ADAMTS6: variants seen among roughly 807,000 people sequenced by gnomAD.
ADAMTS6 encodes the protein A disintegrin and metalloproteinase with thrombospondin motifs 6.
ADAMTS6 carries 23 observed loss-of-function variants against 144.3 expected under a neutral mutation model. The ratio of observed to expected loss-of-function variants is 0.16; its 90% CI spans 0.11 to 0.23. The LOEUF is 0.23. Among genes scored for constraint, ADAMTS6 ranks in the 10% least tolerant of loss-of-function variants. The pLI is 1.00. For synonymous variants in ADAMTS6, 444 were observed against 457.5 expected, an observed-to-expected ratio of 0.97 and a Z score of 0.38; for missense variants, 999 against 1,379.6, an observed-to-expected ratio of 0.72 and a Z score of 4.37.
chr5:65,427,480 T>C (rs1027868363), intron 7 of ADAMTS6, among the ~76,000 whole-genome samples: 1 of 152,050 alleles, frequency 6.6e-6, no homozygotes, highest in Non-Finnish European at 1.5e-5. Flanking sequence ...AACTAAAATT[T>C]AGAATAAAAG....
At chr5:65,407,687 C>T (rs1400929429) in intron 7 of ADAMTS6, among the ~76,000 whole-genome samples, 5 of 152,108 alleles carry the variant, frequency 3.3e-5, no homozygotes, top group Non-Finnish European at 5.9e-5. Flanking sequence ...TTTATGGCTG[C>T]ACAGTATTCC....
rs1049591268 is a variant in ADAMTS6 at position 65,252,920 on chromosome 5, G to A, written c.1830+7680C>T. Among the ~76,000 whole-genome samples, 16 of 152,006 alleles carry A rather than the reference G, an allele frequency of 1.1e-4. No individual in the cohort carries two copies. The East Asian group carries it at 2.5e-3, about 24-fold the overall frequency. The stretch of plus-strand genomic sequence containing the variant: ...TCTATTTTTTATTTGTTGAGACAGG[G>A]TCTCTGTCACCCAGGCTGGAGGGTA... On this transcript the variant is annotated intron_variant, in intron 14 of 24. Coordinates refer to ENST00000381055, the MANE Select transcript of ADAMTS6 (RefSeq NM_197941.4).
Position 65,346,455 on chromosome 5 carries a change from T to C in ADAMTS6, c.1074-12370A>G, listed in dbSNP as rs1748324554. ...TTTCATGGTAAAAATTCTCAACAAATTAGGTATAAAAGAAATGTATCTCAA... is the reference window on the plus strand; with the variant it reads ...TTTCATGGTAAAAATTCTCAACAAACTAGGTATAAAAGAAATGTATCTCAA... On this transcript the variant is annotated intron_variant, in intron 7 of 24. Coordinates refer to ENST00000381055, the MANE Select transcript of ADAMTS6 (RefSeq NM_197941.4). Among the ~76,000 whole-genome samples, 3 of 151,770 alleles carry C rather than the reference T, an allele frequency of 2.0e-5. No individual in the cohort carries two copies. In the South Asian group the frequency reaches 6.2e-4, roughly 31 times the overall value.
At chr5:65,271,229 A>C (rs2112645325) in intron 12 of ADAMTS6, among the ~76,000 whole-genome samples, 1 of 152,092 alleles carries the variant, frequency 6.6e-6, no homozygotes, top group East Asian at 1.9e-4. Context: ...CTCTACTAAA[A>C]ATACAAAAAT....
intron 14 of ADAMTS6, among the ~76,000 whole-genome samples, chr5:65,249,702 T>C (rs1040090279): frequency 2.0e-5 from 3 of 152,232 alleles, no homozygotes; most frequent in Non-Finnish European, 4.4e-5. Flanking sequence ...GTAACTCGCA[T>C]ACCTTCTACC....
At chr5:65,346,645 GA>G (rs1748345822) in intron 7 of ADAMTS6, among the ~76,000 whole-genome samples, 1 of 149,348 alleles carries the variant, frequency 6.7e-6, no homozygotes. Context: ...AGGCAAAAAA[GA>G]AAGAAAAAAA....
intron 11 of ADAMTS6, among the ~76,000 whole-genome samples, chr5:65,283,808 C>A (rs917270066): frequency 6.6e-6 from 1 of 152,048 alleles, no homozygotes; most frequent in Non-Finnish European, 1.5e-5. Context: ...TAATCTACAA[C>A]CTTCCAGCTG....
rs939556117 is a variant in ADAMTS6 at position 65,352,078 on chromosome 5, C to T, written c.1074-17993G>A. Among the ~76,000 whole-genome samples, 4 of 151,472 alleles carry T rather than the reference C, an allele frequency of 2.6e-5. No homozygotes were observed. The Admixed American group carries it at 2.7e-4, about 10-fold the overall frequency. On this transcript the variant is annotated intron_variant, in intron 7 of 24. Transcript: ENST00000381055. ...AGAAAAGTAATCTCGATGTTCTATG[C>T]TCCATCTGAACAACGCTGTTCTAGC...
At chr5:65,369,538 T>TAA (rs145260748) in intron 7 of ADAMTS6, among the ~76,000 whole-genome samples, 23 of 146,508 alleles carry the variant, frequency 1.6e-4, no homozygotes, top group Admixed American at 4.1e-4. Flanking sequence ...TACGCTTCAT[T>TAA]AAAAAAAAAA....
chr5:65,374,090 G>A (rs1341149083), intron 7 of ADAMTS6, among the ~76,000 whole-genome samples: 1 of 152,066 alleles, frequency 6.6e-6, no homozygotes, highest in Non-Finnish European at 1.5e-5. Flanking sequence ...AATAAATTAG[G>A]TATTGATGGG....
intron 10 of ADAMTS6, among the ~76,000 whole-genome samples, chr5:65,292,376 C>T (rs1025826006): frequency 3.3e-5 from 5 of 149,618 alleles, no homozygotes; most frequent in African/African-American, 1.2e-4. Flanking sequence ...TCCATTGTGC[C>T]AGCACTTGTG....
At chr5:65,254,529 A>G (rs1760486064) in intron 14 of ADAMTS6, among the ~76,000 whole-genome samples, 1 of 152,200 alleles carries the variant, frequency 6.6e-6, no homozygotes, top group Non-Finnish European at 1.5e-5. Context: ...TGAGTTAGAG[A>G]AACAGGAGGC....
intron 21 of ADAMTS6, among the ~76,000 whole-genome samples, chr5:65,194,685 T>C (rs1755224962): frequency 6.6e-6 from 1 of 152,198 alleles, no homozygotes; most frequent in African/African-American, 2.4e-5. Flanking sequence ...ATGAGTAATA[T>C]TTTAAGTATC....
At chr5:65,238,696 A>G (rs1302053223) in intron 15 of ADAMTS6, among the ~76,000 whole-genome samples, 2 of 152,232 alleles carry the variant, frequency 1.3e-5, no homozygotes, top group Non-Finnish European at 2.9e-5. Context: ...TATTAACAAT[A>G]GTGTCAAAAC....
rs1754955929 is a variant in ADAMTS6, at chr5:65,190,602, C to A, written c.2706-2382G>T. 2.0e-5 allele frequency among the ~76,000 whole-genome samples: 3 copies of A among 152,158 alleles called. No individual in the cohort carries two copies. In the South Asian group the frequency reaches 6.2e-4, roughly 32 times the overall value. The stretch of plus-strand genomic sequence containing the variant: ...ATTAAACACAGGTGTCCCGAGTAAC[C>A]ACAATGATTCAGAAGTGTTGCAAAG... On this transcript the variant is annotated intron_variant, in intron 21 of 24. Transcript: ENST00000381055.
At chr5:65,411,856 T>C (rs1198111880) in intron 7 of ADAMTS6, among the ~76,000 whole-genome samples, 1 of 152,194 alleles carries the variant, frequency 6.6e-6, no homozygotes, top group Non-Finnish European at 1.5e-5. Context: ...TAGTTCCCTT[T>C]ACTATATCCT....
chr5:65,316,801 A>T (rs1561414660), intron 9 of ADAMTS6, among the ~76,000 whole-genome samples: 1 of 142,350 alleles, frequency 7.0e-6, no homozygotes, highest in Non-Finnish European at 1.6e-5. Flanking sequence ...AAGAAGACAT[A>T]ATAATCATTT....
intron 24 of ADAMTS6, among the ~76,000 whole-genome samples, chr5:65,160,632 T>A (rs1752709236): frequency 7.0e-6 from 1 of 142,720 alleles, no homozygotes; most frequent in Admixed American, 7.2e-5. Flanking sequence ...TTTTCCTTGC[T>A]AAAAGGCATT....
rs186604059 is a variant in ADAMTS6 at position 65,351,440 on chromosome 5, A to G, written c.1074-17355T>C. 3.3e-5 allele frequency among the ~76,000 whole-genome samples: 5 copies of G among 152,360 alleles called. No individual in the cohort carries two copies. The East Asian group carries it at 7.7e-4, about 23-fold the overall frequency. ...GAATGCTGACATTTCTTTTGCAGAA[A>G]ACAATGAAAATCTTGGGGAATCACA... On this transcript the variant is annotated intron_variant, in intron 7 of 24. Transcript: ENST00000381055.
Sources: allele counts gnomAD v4.1 joint callset (sites outside exome capture counted in the v4.1 genomes callset), GRCh38; gene constraint gnomAD v4.1.1; transcripts MANE v1.5; gene names NCBI Gene and HGNC (gene_info 2026-07-23, HGNC 2026-07-21).